The following C3 variants were observed in gnomAD, a reference collection of about 807,000 sequenced individuals.
The protein encoded by C3 is complement C3, also known as C3 and PZP-like alpha-2-macroglobulin domain-containing protein 1.
A neutral mutation model predicts 207.9 loss-of-function variants in C3; 97 were observed. The ratio of observed to expected loss-of-function variants is 0.47; its 90% confidence interval spans 0.40 to 0.55. C3 has a LOEUF of 0.55. Among genes scored for constraint, C3 ranks in the 20% least tolerant of loss-of-function variants. The pLI, the probability that C3 is intolerant of heterozygous loss-of-function variation, is 0.00. For missense variants in C3, 1,684 were observed against 2,171.7 expected (o/e 0.78, Z 4.46); for synonymous variants, 848 against 857.6 (o/e 0.99, Z 0.20).
rs925377978 is a variant in C3 at position 6,719,748 on chromosome 19, A to G, written c.75-345T>C. 2.6e-5 allele frequency among the ~76,000 whole-genome samples: 4 copies of G among 152,046 alleles called. No individual in the cohort carries two copies. The highest frequency in any genetic ancestry group is 5.9e-5 in the Non-Finnish European group (4 of 68,002). On this transcript the variant is annotated intron_variant, in intron 1 of 40. Coordinates refer to ENST00000245907, the MANE Select transcript of C3 (RefSeq NM_000064.4). This position sits in a 1 kb window ranked among gnomAD's most constrained non-coding sequence, Gnocchi z 5.4. ...TGGACTTCCAGACCCACAATCGCCT[A>G]AACCCACACATGCCCCAAACCCTAA... is the stretch of plus-strand genomic sequence containing the variant.
At chr19:6,692,523 G>A (rs1437412089) in intron 26 of C3, among the ~76,000 whole-genome samples, 2 of 152,162 alleles carry the variant, frequency 1.3e-5, no homozygotes, top group East Asian at 3.8e-4. Flanking sequence ...CTCCAAATAA[G>A]GAGGGGCGGG....
intron 27 of C3, among the ~76,000 whole-genome samples, chr19:6,689,292 A>ACAGTCCCCCCCCCCCCCC (rs1451605182): frequency 1.1e-5 from 1 of 91,512 alleles, no homozygotes; most frequent in Non-Finnish European, 2.3e-5. Context: ...GTCTGACCCC[A>ACAGTCCCCCCCCCCCCCC]CCTCTCCTCT....
At chr19:6,701,735 G>A (rs916934898) in intron 19 of C3, among the ~76,000 whole-genome samples, 5 of 152,136 alleles carry the variant, frequency 3.3e-5, no homozygotes, top group African/African-American at 1.2e-4. Context: ...ACGTTGACCA[G>A]GCTGGTCTTG....
chr19:6,700,371 TATTA>T lies in C3; in HGVS notation c.2440+1752_2440+1755del, dbSNP rs1226572261. The stretch of plus-strand genomic sequence containing the variant: ...TATATGATATATATGTAATATGATA[TATTA>T]TATATGTAATATATGATATATATGT... On this transcript the variant is annotated intron_variant, in intron 19 of 40. Coordinates refer to ENST00000245907, the MANE Select transcript of C3 (RefSeq NM_000064.4). Among the ~76,000 whole-genome samples, 4 of 89,824 alleles carry T rather than the reference TATTA, an allele frequency of 4.5e-5. 1 individual carries two copies. The highest frequency in any genetic ancestry group is 7.5e-5 in the Non-Finnish European group (4 of 53,476). 58.9% of individuals were successfully genotyped at this position (89,824 alleles called of 152,430 possible).
chr19:6,692,336 A>C (rs536249254), intron 26 of C3, among the ~76,000 whole-genome samples: 26 of 152,286 alleles, frequency 1.7e-4, no homozygotes, highest in African/African-American at 6.3e-4. Flanking sequence ...ACACTTCGAG[A>C]ACCAGTGCTC....
intron 27 of C3, among the ~76,000 whole-genome samples, chr19:6,689,802 T>C (rs1033114623): frequency 2.4e-4 from 36 of 152,120 alleles, no homozygotes; most frequent in Admixed American, 2.1e-3. Context: ...GCCAATATGG[T>C]GAAACCTCAT....
rs1376279944 is a variant in C3, at chr19:6,719,144, TCAG to T, written c.267+64_267+66del. On this transcript the variant is annotated intron_variant, in intron 2 of 40. Transcript: ENST00000245907. The surrounding 1 kb of genome is among the most constrained non-coding windows in gnomAD (Gnocchi z 5.4). The stretch of plus-strand genomic sequence containing the variant: ...AGGGAGAAGACAGAAGGGGAGGGGC[TCAG>T]GAGGAGGGGGGGAGTGGGCGTGGCT... 7.4e-7 allele frequency: 1 copy of T among 1,342,882 alleles called. No individual in the cohort carries two copies. Among genetic ancestry groups the T allele is most frequent in the Non-Finnish European group, 1.1e-6 (1 of 949,444 alleles). The allele number at this position is 1,342,882 out of a possible 1,614,324, so 83.2% of individuals were successfully genotyped here.
chr19:6,712,116 C>CAGGACCCCTCTGCGCAGGAG, intron 11 of C3, 141 bp downstream of exon 11: 1 of 1,063,498 alleles, frequency 9.4e-7, no homozygotes, highest in Non-Finnish European at 1.4e-6. Flanking sequence ...ATGCAAATGG[C>CAGGACCCCTCTGCGCAGGAG]AGGACCCCTC....
At chr19:6,711,898 C>T (rs1967930110) in intron 11 of C3, among the ~76,000 whole-genome samples, 1 of 152,186 alleles carries the variant, frequency 6.6e-6, no homozygotes. Context: ...AAAGACTGTG[C>T]GTGGATGGAG....
chr19:6,713,921 C>A, intron 7 of C3, 71 bp downstream of exon 7: 1 of 953,534 alleles, frequency 1.0e-6, no homozygotes, highest in Admixed American at 1.9e-5. Context: ...TGACTCCACC[C>A]CCAGTCCCCC....
intron 8 of C3, 39 bp downstream of exon 8, chr19:6,713,368 G>T (rs1967961988): frequency 1.9e-6 from 3 of 1,613,756 alleles, no homozygotes; most frequent in African/African-American, 1.3e-5. Flanking sequence ...AGGTGGCGGG[G>T]ACTGGGGCAG....
chr19:6,707,074 A>C lies in C3; in HGVS notation c.2245+2T>G. The C allele has an allele frequency of 6.3e-7, 1 of 1,597,526 alleles. No individual in the cohort carries two copies. The highest frequency in any genetic ancestry group is 8.5e-7 in the Non-Finnish European group (1 of 1,174,932). ...CCCCTGTCCCCACCCCGTGGGACCT[A>C]CTCCTGGCCAGGCCCAGGTGGCTGG... On this transcript the variant is annotated splice_donor_variant, in intron 17 of 40. Coordinates refer to ENST00000245907, the MANE Select transcript of C3 (RefSeq NM_000064.4). LOFTEE classifies it high-confidence loss of function.
At chr19:6,690,252 T>G (rs912287018) in intron 27 of C3, among the ~76,000 whole-genome samples, 1 of 152,226 alleles carries the variant, frequency 6.6e-6, no homozygotes, top group Non-Finnish European at 1.5e-5. Context: ...GTACTGATCA[T>G]GTAGCACTGA....
chr19:6,693,585 T>G, intron 24 of C3, 98 bp from the exon 25 acceptor site: 1 of 1,059,032 alleles, frequency 9.4e-7, no homozygotes. Flanking sequence ...GGACAGGGGC[T>G]CAGGGTGGCG....
chr19:6,710,457 G>C (rs149533576), intron 13 of C3, among the ~76,000 whole-genome samples, 182 bp downstream of exon 13: 20 of 140,820 alleles, frequency 1.4e-4, no homozygotes, highest in African/African-American at 4.9e-4. Flanking sequence ...GAGGGAAAGA[G>C]AGATAAAAAG....
At chr19:6,693,540 C>CTG in intron 24 of C3, 53 bp from the exon 25 acceptor site, 1 of 1,539,448 alleles carries the variant, frequency 6.5e-7, no homozygotes, top group South Asian at 1.2e-5. Flanking sequence ...GCAGAGGGGG[C>CTG]ACGCCAGAAA....
At chr19:6,715,617 TTGTTTTTTTTG>T (rs912498435) in intron 4 of C3, among the ~76,000 whole-genome samples, 1 of 147,882 alleles carries the variant, frequency 6.8e-6, no homozygotes, top group Non-Finnish European at 1.5e-5. Context: ...TGTTTTTTTT[TTGTTTTTTTTG>T]TTTTTTTTTT....
Position 6,718,364 on chromosome 19 carries a change from C to G in C3, c.316G>C (p.Val106Leu). The change falls in exon 3 of 41, where the codon GTG becomes CTG. Residue 106 changes from valine to leucine, a missense_variant. Around this residue, in one of 3 missense-constraint regions of C3, gnomAD observed 1,280 missense variants for 1,739.1 expected, o/e 0.74. Transcript: ENST00000245907. ...GTCCCGAAGGTGGCCTGCACGGTCACGAACTTGTTGCGCCCCTTTTCTGAC... is the reference window on the plus strand; with the variant it reads ...GTCCCGAAGGTGGCCTGCACGGTCAGGAACTTGTTGCGCCCCTTTTCTGAC... ...FKSEKGRNKF[V>L]TVQATFGTQV... The G allele has an allele frequency of 1.2e-6, 2 of 1,614,242 alleles. No homozygotes were observed. The highest frequency in any genetic ancestry group is 1.7e-6 in the Non-Finnish European group (2 of 1,180,042).
chr19:6,692,655 A>T (rs1483163939), intron 26 of C3, among the ~76,000 whole-genome samples: 1 of 151,954 alleles, frequency 6.6e-6, no homozygotes, highest in Non-Finnish European at 1.5e-5. Flanking sequence ...CCCAGGCAGG[A>T]CCCCTGCACT....
Sources: allele counts gnomAD v4.1 joint callset (sites outside exome capture counted in the v4.1 genomes callset), GRCh38; gene constraint gnomAD v4.1.1; regional missense constraint gnomAD v4.1.1; non-coding constraint Gnocchi (gnomAD v3.1); transcripts MANE v1.5; gene names NCBI Gene and HGNC (gene_info 2026-07-23, HGNC 2026-07-21).